The following FNIP2 variants were observed in gnomAD, a reference collection of about 807,000 sequenced individuals.
FNIP2 encodes folliculin-interacting protein 2.
A neutral mutation model predicts 108.7 loss-of-function variants in FNIP2; 32 were observed. The observed-to-expected ratio is 0.29, with a 90% CI of 0.22 to 0.40. The LOEUF is 0.40. FNIP2 is among the 10% of genes least tolerant of loss of function. The probability of loss-of-function intolerance (pLI) is 1.00; values close to 1 mark genes in which losing one functional copy is unlikely to be tolerated. For synonymous variants in FNIP2, 480 were observed against 496.7 expected, an observed-to-expected ratio of 0.97 and a Z score of 0.45; for missense variants, 1,202 against 1,381.6, an observed-to-expected ratio of 0.87 and a Z score of 2.06.
chr4:158,819,087 C>G (rs1777735279), intron 1 of FNIP2, among the ~76,000 whole-genome samples: 1 of 152,164 alleles, frequency 6.6e-6, no homozygotes, highest in Admixed American at 6.5e-5. Flanking sequence ...TTGGCCTTTC[C>G]CTTCCCAGTT....
intron 1 of FNIP2, among the ~76,000 whole-genome samples, chr4:158,780,701 CTG>C (rs1310799439): frequency 6.6e-6 from 1 of 152,192 alleles, no homozygotes; most frequent in Non-Finnish European, 1.5e-5. Context: ...GTACTTAAGA[CTG>C]AGATTCAGTG....
intron 14 of FNIP2, chr4:158,871,776 A>G: frequency 1.0e-6 from 1 of 984,820 alleles, no homozygotes; most frequent in Non-Finnish European, 1.2e-6. Context: ...ATTTCTCTTT[A>G]TAGTTATGAA....
intron 7 of FNIP2, among the ~76,000 whole-genome samples, chr4:158,842,513 T>C (rs892614101): frequency 2.0e-5 from 3 of 152,170 alleles, no homozygotes; most frequent in Non-Finnish European, 2.9e-5. Context: ...ACCTCTTTCT[T>C]AGAGCCCAAA....
At chr4:158,793,450 T>G (rs556771853) in intron 1 of FNIP2, among the ~76,000 whole-genome samples, 2 of 152,246 alleles carry the variant, frequency 1.3e-5, no homozygotes, top group Admixed American at 1.3e-4. Context: ...GTTTACTGAT[T>G]AGGTTTAGGG....
chr4:158,851,615 G>T (rs1291264156), intron 8 of FNIP2, among the ~76,000 whole-genome samples, 165 bp downstream of exon 8: 1 of 152,212 alleles, frequency 6.6e-6, no homozygotes, highest in Non-Finnish European at 1.5e-5. Flanking sequence ...CTAAAGGGAA[G>T]AATAAATAAA....
At position 158,877,934 on chromosome 4, in the gene FNIP2, C is replaced by T. The variant is rs550032937; in HGVS notation, c.2949+7465C>T. 1.1e-4 allele frequency among the ~76,000 whole-genome samples: 16 copies of T among 151,928 alleles called. No homozygotes were observed. In the East Asian group the frequency reaches 1.4e-3, roughly 13 times the overall value. On this transcript the variant is annotated intron_variant, in intron 14 of 16. Coordinates refer to ENST00000264433, the MANE Select transcript of FNIP2 (RefSeq NM_020840.3). ...CAGCCTGGGTGAAAGAGTGAGACCC[C>T]GTCTCCTCCCCCACCCCCCCTCACC...
At chr4:158,883,873 C>T (rs888585509) in intron 14 of FNIP2, among the ~76,000 whole-genome samples, 3 of 151,602 alleles carry the variant, frequency 2.0e-5, no homozygotes, top group African/African-American at 7.3e-5. Flanking sequence ...GCTTGGGAGA[C>T]TCATTGGGCT....
At chr4:158,875,517 T>TAGATAGATAGATAGATAGATAGATAG in intron 14 of FNIP2, among the ~76,000 whole-genome samples, 1 of 67,652 alleles carries the variant, frequency 1.5e-5, no homozygotes, top group African/African-American at 4.6e-5. Context: ...CTGGCTGTGA[T>TAGATAGATAGATAGATAGATAGATAG]ATATATATAT....
At chr4:158,864,935 G>A (rs1047810490) in intron 12 of FNIP2, among the ~76,000 whole-genome samples, 5 of 151,188 alleles carry the variant, frequency 3.3e-5, no homozygotes, top group Non-Finnish European at 4.4e-5. Context: ...AGTTTCTTCT[G>A]TCTGTTCCTC....
At chr4:158,769,341 A>T (rs1023941524) in intron 1 of FNIP2, 22 bp downstream of exon 1, 2 of 1,452,798 alleles carry the variant, frequency 1.4e-6, no homozygotes, top group African/African-American at 1.5e-5. Context: ...CCGGGGGGCA[A>T]TTCTGGCGCG....
Position 158,867,509 on chromosome 4 carries a change from G to A in FNIP2, c.1466-593G>A, listed in dbSNP as rs148930210. ...GCCTGGCCCAGTTGAATTTTCAAGC[G>A]AAATGAAATAAAACCTTCAGACTCA... On this transcript the variant is annotated intron_variant, in intron 12 of 16. Coordinates refer to ENST00000264433, the MANE Select transcript of FNIP2 (RefSeq NM_020840.3). 9.9e-5 allele frequency among the ~76,000 whole-genome samples: 15 copies of A among 152,280 alleles called. No individual in the cohort carries two copies. The East Asian group carries it at 1.9e-3, about 20-fold the overall frequency.
chr4:158,840,254 A>C (rs1779048264), intron 7 of FNIP2, among the ~76,000 whole-genome samples: 1 of 152,110 alleles, frequency 6.6e-6, no homozygotes, highest in African/African-American at 2.4e-5. Flanking sequence ...TACTGAGATA[A>C]TTTTCTAGCT....
intron 16 of FNIP2, among the ~76,000 whole-genome samples, chr4:158,903,723 G>C (rs1221386612): frequency 6.6e-6 from 1 of 152,162 alleles, no homozygotes; most frequent in Non-Finnish European, 1.5e-5. Context: ...ACCCCATGAG[G>C]TAATGCCAGA....
At chr4:158,830,018 T>G (rs548739162) in intron 3 of FNIP2, among the ~76,000 whole-genome samples, 1 of 152,128 alleles carries the variant, frequency 6.6e-6, no homozygotes, top group African/African-American at 2.4e-5. Flanking sequence ...CACAGCAGTC[T>G]GCAGTTTAAA....
intron 12 of FNIP2, among the ~76,000 whole-genome samples, chr4:158,863,984 T>C (rs1480185711): frequency 1.8e-4 from 28 of 152,176 alleles, no homozygotes; most frequent in Admixed American, 1.7e-3. Context: ...AGACTACAAA[T>C]CAATTTTTTT....
rs775584067 is a variant in FNIP2, at chr4:158,868,609, C to G, written c.1973C>G (p.Pro658Arg). ...GGGGATGAGAAAAATAAAGAGGCAC[C>G]GCAAGATGGCTCTTCAAGACTTCCC... ...FCGDEKNKEA[P>R]QDGSSRLPSC... Residue 658 changes from proline (P) to arginine (R), a missense_variant, in exon 13 of 17, where the codon CCG becomes CGG. By Grantham distance (103) the Pro-to-Arg change is moderately radical. Transcript: ENST00000264433. The surrounding 1 kb of genome is among the most constrained non-coding windows in gnomAD (Gnocchi z 4.6). 6.2e-7 allele frequency: 1 copy of G among 1,613,794 alleles called. No homozygotes were observed. Among genetic ancestry groups the G allele is most frequent in the South Asian group, 1.1e-5 (1 of 91,054 alleles).
At chr4:158,876,594 A>ATCCC (rs1246095392) in intron 14 of FNIP2, among the ~76,000 whole-genome samples, 2 of 152,194 alleles carry the variant, frequency 1.3e-5, no homozygotes, top group African/African-American at 4.8e-5. Context: ...CAGGCCCCAT[A>ATCCC]TCCCTGTTCT....
At chr4:158,902,198 G>T (rs934882005) in intron 16 of FNIP2, among the ~76,000 whole-genome samples, 1 of 152,054 alleles carries the variant, frequency 6.6e-6, no homozygotes, top group African/African-American at 2.4e-5. Context: ...TGTTGATGTT[G>T]ATGTGGCTGT....
At chr4:158,810,581 C>T (rs1274173660) in intron 1 of FNIP2, among the ~76,000 whole-genome samples, 1 of 152,108 alleles carries the variant, frequency 6.6e-6, no homozygotes, top group East Asian at 1.9e-4. Flanking sequence ...GGTTCAAGAA[C>T]ATTTGTCTTT....
Sources: gnomAD v4.1 joint callset for allele counts (sites outside exome capture counted in the v4.1 genomes callset) on GRCh38, gnomAD v4.1.1 for gene constraint, Gnocchi (gnomAD v3.1) non-coding constraint, MANE v1.5 for transcripts, NCBI Gene and HGNC (gene_info 2026-07-23, HGNC 2026-07-21) for gene names.